Variants in LACC1 observed in about 807,000 individuals in gnomAD.
LACC1 encodes purine nucleoside phosphorylase LACC1.
In LACC1, 25 loss-of-function variants were observed where a neutral mutation model predicts 34.8. The observed-to-expected ratio is 0.72, with a 90% CI of 0.52 to 1.00. The LOEUF (loss-of-function observed/expected upper bound fraction) is 1.00, where lower values mean the gene tolerates loss of function less well. Among genes scored for constraint, LACC1 ranks in the 50% least tolerant of loss-of-function variants. LACC1 has a pLI of 0.00. For synonymous variants in LACC1, 162 were observed against 168.0 expected, an observed-to-expected ratio of 0.96 and a Z score of 0.28; for missense variants, 426 against 511.2, an observed-to-expected ratio of 0.83 and a Z score of 1.61.
chr13:43,881,561 T>G lies in LACC1; in HGVS notation c.562+14T>G, dbSNP rs1955050622. On this transcript the variant is annotated intron_variant, in intron 2 of 6. Coordinates refer to ENST00000325686, the MANE Select transcript of LACC1 (RefSeq NM_153218.4). ...CTTTGATCCCAGGTATATTAACCAC[T>G]AACTGTTGTTTTTACTTTGTACATG... 6.5e-7 allele frequency: 1 copy of G among 1,546,206 alleles called. No homozygotes were observed. Among genetic ancestry groups the G allele is most frequent in the Admixed American group, 2.0e-5 (1 of 50,238 alleles).
upstream of LACC1, chr13:43,879,770 G>GGGCGAGGTGA (rs1555394132): frequency 3.0e-5 from 3 of 98,988 alleles, no homozygotes; most frequent in African/African-American, 1.1e-4. Context: ...TGGGCGAGGG[G>GGGCGAGGTGA]GGCGAGGTGA....
Position 43,887,593 on chromosome 13 carries a change from G to A in LACC1, c.908-1164G>A, listed in dbSNP as rs138751655. Among the ~76,000 whole-genome samples the A allele has an allele frequency of 5.4e-3, 828 of 152,268 alleles. 7 individuals carry two copies. Among genetic ancestry groups the A allele is most frequent in the African/African-American group, 0.019 (799 of 41,560 alleles). Reference sequence around the variant, plus strand: ...AGTGGGAAGGGAGTAAAAAGAGGCTGTTAATTGAAATATAATAGATATATT... The same window carrying A: ...AGTGGGAAGGGAGTAAAAAGAGGCTATTAATTGAAATATAATAGATATATT... On this transcript the variant is annotated intron_variant, in intron 4 of 6. Coordinates refer to ENST00000325686, the MANE Select transcript of LACC1 (RefSeq NM_153218.4).
chr13:43,882,236 C>T lies in LACC1; in HGVS notation c.614C>T (p.Pro205Leu), dbSNP rs1955103598. 1 of 1,611,656 alleles carries T rather than the reference C, an allele frequency of 6.2e-7. No individual in the cohort carries two copies. Among genetic ancestry groups the T allele is most frequent in the Non-Finnish European group, 8.5e-7 (1 of 1,178,752 alleles). ...AGAACAGGTGGGATATCTTATATAC[C>T]AACTCTTAGCTCATTCAATCTCTTC... ...TTRTGGISYI[P>L]TLSSFNLFSS... is the part of the protein sequence containing the mutation. Residue 205 changes from proline (P) to leucine (L), a missense_variant, in exon 3 of 7, where the codon CCA becomes CTA. By Grantham distance (98) the Pro-to-Leu change is moderately conservative. Coordinates refer to ENST00000325686, the MANE Select transcript of LACC1 (RefSeq NM_153218.4).
In LACC1 at chr13:43,891,614, T is replaced by C; in HGVS notation, c.*167T>C. The C allele has an allele frequency of 1.3e-6, 1 of 781,194 alleles. No individual in the cohort carries two copies. Among genetic ancestry groups the C allele is most frequent in the Non-Finnish European group, 1.6e-6 (1 of 643,854 alleles). The allele number at this position is 781,194 out of a possible 1,614,324, so 48.4% of individuals were successfully genotyped here. On this transcript the variant is annotated 3_prime_UTR_variant, in exon 7 of 7. Transcript: ENST00000325686. ...TCAAAGCCAAATGATTTTCATTTAA[T>C]TGTAATAATAACTGACAAAAATCAG... is the stretch of plus-strand genomic sequence containing the variant.
chr13:43,888,350 GA>G (rs1955425800), intron 4 of LACC1, among the ~76,000 whole-genome samples: 1 of 152,074 alleles, frequency 6.6e-6, no homozygotes, highest in Non-Finnish European at 1.5e-5. Flanking sequence ...TTTATCAAAT[GA>G]AAAAATTCTG....
intron 5 of LACC1, among the ~76,000 whole-genome samples, chr13:43,889,638 T>C (rs1239961124): frequency 6.6e-6 from 1 of 152,238 alleles, no homozygotes; most frequent in Non-Finnish European, 1.5e-5. Flanking sequence ...ATGTGACTTT[T>C]AAAATCAAGT....
At chr13:43,882,492 TTGTC>T (rs1419034467) in intron 3 of LACC1, 129 bp downstream of exon 3, 21 of 620,990 alleles carry the variant, frequency 3.4e-5, no homozygotes, top group Non-Finnish European at 5.6e-5. Flanking sequence ...AATGCTGTGG[TTGTC>T]TTTCTTAGAT....
At position 43,881,412 on chromosome 13, in the gene LACC1, T is replaced by C; in HGVS notation, c.427T>C (p.Phe143Leu). 6.2e-7 allele frequency: 1 copy of C among 1,614,134 alleles called. No homozygotes were observed. Among genetic ancestry groups the C allele is most frequent in the Non-Finnish European group, 8.5e-7 (1 of 1,180,002 alleles). Reference protein sequence around the residue: ...DLQVTFRGGLFKQSIEINVIT... With the variant: ...DLQVTFRGGLLKQSIEINVIT... ...GCAAGTGACTTTTAGGGGAGGGCTT[T>C]TTAAACAGTCCATTGAAATAAACGT... The change falls in exon 2 of 7, where the codon TTT (phenylalanine) becomes CTT (leucine). Residue 143 changes from phenylalanine (F) to leucine (L), a missense_variant. Transcript: ENST00000325686.
intron 5 of LACC1, among the ~76,000 whole-genome samples, chr13:43,889,388 T>A (rs9533679): frequency 0.091 from 13,853 of 152,246 alleles, 692 homozygotes; most frequent in Middle Eastern, 0.12. Context: ...GGAATATGTT[T>A]TTTAGAAAAA....
Position 43,893,313 on chromosome 13 carries a change from G to A in LACC1, c.*1866G>A, listed in dbSNP as rs1416339937. The A allele has an allele frequency of 1.3e-5, 2 of 151,952 alleles. No individual in the cohort carries two copies. The highest frequency in any genetic ancestry group is 6.6e-5 in the Admixed American group (1 of 15,262). 9.4% of individuals were successfully genotyped at this position (151,952 alleles called of 1,614,324 possible). On this transcript the variant is annotated 3_prime_UTR_variant, in exon 7 of 7. Coordinates refer to ENST00000325686, the MANE Select transcript of LACC1 (RefSeq NM_153218.4). ...TCAGCTGAGAAAACTGAGCTTCATT[G>A]AGGTGGAGGTCAAAAATCACAAAAT... is the stretch of plus-strand genomic sequence containing the variant.
chr13:43,888,171 T>C (rs1312777408), intron 4 of LACC1, among the ~76,000 whole-genome samples: 5 of 152,210 alleles, frequency 3.3e-5, no homozygotes, highest in Non-Finnish European at 5.9e-5. Context: ...AAGGACATTA[T>C]GCTAAGTGAA....
chr13:43,880,964 G>T lies in LACC1; in HGVS notation c.-22G>T. 2 of 1,573,030 alleles carry T rather than the reference G, an allele frequency of 1.3e-6. No homozygotes were observed. Among genetic ancestry groups the T allele is most frequent in the Non-Finnish European group, 8.7e-7 (1 of 1,153,564 alleles). ...TTTTTATTTGCAGGTGATTTATTTG[G>T]CATAAAAGTATTCTTTCAAGGATGG... is the stretch of plus-strand genomic sequence containing the variant. On this transcript the variant is annotated 5_prime_UTR_variant, in exon 2 of 7. Transcript: ENST00000325686.
At position 43,888,737 on chromosome 13, in the gene LACC1, T is replaced by C. The variant is rs1236390588; in HGVS notation, c.908-20T>C. 1 of 1,596,000 alleles carries C rather than the reference T, an allele frequency of 6.3e-7. No homozygotes were observed. Among genetic ancestry groups the C allele is most frequent in the Admixed American group, 1.7e-5 (1 of 59,830 alleles). Reference sequence around the variant, plus strand: ...TTTATGTTTTGACTTCTCTTATCTCTTTTTATTCCTATTTACCAGGTTGGA... The same window carrying C: ...TTTATGTTTTGACTTCTCTTATCTCCTTTTATTCCTATTTACCAGGTTGGA... On this transcript the variant is annotated intron_variant, in intron 4 of 6. Transcript: ENST00000325686.
intron 6 of LACC1, among the ~76,000 whole-genome samples, chr13:43,890,742 A>G (rs188364982): frequency 6.6e-6 from 1 of 152,330 alleles, no homozygotes; most frequent in East Asian, 1.9e-4. Context: ...AATTCTCACA[A>G]AGAAACTAGC....
intron 6 of LACC1, among the ~76,000 whole-genome samples, chr13:43,890,903 G>A (rs947493128): frequency 6.6e-6 from 1 of 152,228 alleles, no homozygotes; most frequent in Non-Finnish European, 1.5e-5. Context: ...AGCAACAAGA[G>A]ATACTGACAA....
chr13:43,880,368 C>T (rs1269249347), intron 1 of LACC1, among the ~76,000 whole-genome samples: 1 of 152,038 alleles, frequency 6.6e-6, no homozygotes, highest in East Asian at 1.9e-4. Flanking sequence ...CAAAGCTGCA[C>T]GGGGAGAATG....
rs1260095202 is a variant in LACC1 at position 43,881,145 on chromosome 13, A to G, written c.160A>G (p.Arg54Gly). ...GTGTTGCAGTAACATCAGCTATGAA[A>G]GGGATGGAGAACAAGATAATTGTGA... ...IMCCSNISYE[R>G]DGEQDNCEIE... Residue 54 changes from arginine to glycine, a missense_variant, in exon 2 of 7, where the codon AGG becomes GGG. Around this residue, in one of 2 missense-constraint regions of LACC1, gnomAD observed 217 missense variants for 210.9 expected, o/e 1.03. Transcript: ENST00000325686. 1 of 1,614,208 alleles carries G rather than the reference A, an allele frequency of 6.2e-7. No homozygotes were observed. The highest frequency in any genetic ancestry group is 1.1e-5 in the South Asian group (1 of 91,084).
At chr13:43,890,338 C>T (rs1955519700) in intron 6 of LACC1, 64 bp downstream of exon 6, 7 of 1,323,490 alleles carry the variant, frequency 5.3e-6, no homozygotes, top group South Asian at 1.5e-5. Context: ...CCACTTCTCC[C>T]TCCCTTTCTC....
chr13:43,881,387 G>A lies in LACC1; in HGVS notation c.402G>A (p.Leu134=). 6.2e-7 allele frequency: 1 copy of A among 1,614,070 alleles called. No homozygotes were observed. The highest frequency in any genetic ancestry group is 1.1e-5 in the South Asian group (1 of 91,076). Residue 134 remains leucine (L), a synonymous_variant, in exon 2 of 7, where the codon TTG becomes TTA. Coordinates refer to ENST00000325686, the MANE Select transcript of LACC1 (RefSeq NM_153218.4). ...TDVYNFEFED[L]QVTFRGGLFK... is the part of the protein sequence containing the mutation. ...TTTACAATTTTGAATTTGAAGATTTGCAAGTGACTTTTAGGGGAGGGCTTT... is the reference window on the plus strand; with the variant it reads ...TTTACAATTTTGAATTTGAAGATTTACAAGTGACTTTTAGGGGAGGGCTTT...
Sources: allele counts gnomAD v4.1 joint callset (sites outside exome capture counted in the v4.1 genomes callset), GRCh38; gene constraint gnomAD v4.1.1; regional missense constraint gnomAD v4.1.1; transcripts MANE v1.5; gene names NCBI Gene and HGNC (gene_info 2026-07-23, HGNC 2026-07-21).